The following ROBO2 variants were observed in gnomAD, a reference collection of about 807,000 sequenced individuals.
ROBO2 encodes the protein roundabout guidance receptor 2.
ROBO2 carries 53 observed loss-of-function variants against 160.8 expected under a neutral mutation model. The ratio of observed to expected loss-of-function variants is 0.33; its 90% CI spans 0.26 to 0.41. The LOEUF is 0.41. Ranked by LOEUF, ROBO2 falls within the 10% of genes least tolerant of loss-of-function variation. The probability of loss-of-function intolerance (pLI) is 1.00; values close to 1 mark genes in which losing one functional copy is unlikely to be tolerated. For synonymous variants in ROBO2, 664 were observed against 611.7 expected (o/e 1.09, Z -1.26); for missense variants, 1,577 against 1,722.4 (o/e 0.92, Z 1.49).
At chr3:76,728,615 A>C (rs2093587989) in intron 2 of ROBO2, among the ~76,000 whole-genome samples, 1 of 152,174 alleles carries the variant, frequency 6.6e-6, no homozygotes, top group Admixed American at 6.5e-5. Flanking sequence ...ATATATTACA[A>C]TTATGTCCCC....
intron 2 of ROBO2, among the ~76,000 whole-genome samples, chr3:76,748,018 T>A (rs1232625759): frequency 3.3e-5 from 5 of 151,876 alleles, no homozygotes; most frequent in African/African-American, 1.2e-4. Context: ...CAGAAGAGAG[T>A]TAATGAACAT....
At chr3:76,388,096 T>G (rs2076976927) in intron 2 of ROBO2, among the ~76,000 whole-genome samples, 1 of 152,168 alleles carries the variant, frequency 6.6e-6, no homozygotes, top group Admixed American at 6.5e-5. Flanking sequence ...TGCTTCCCTT[T>G]TGTAATTACT....
intron 2 of ROBO2, among the ~76,000 whole-genome samples, chr3:76,384,983 CT>C (rs1366631051): frequency 6.6e-6 from 1 of 152,092 alleles, no homozygotes; most frequent in Non-Finnish European, 1.5e-5. Context: ...CGCAAAGTGT[CT>C]TTTGTTTTGT....
chr3:76,480,524 A>T (rs933671158), intron 2 of ROBO2, among the ~76,000 whole-genome samples: 2 of 152,158 alleles, frequency 1.3e-5, no homozygotes, highest in East Asian at 3.9e-4. Flanking sequence ...AGGTTTATAA[A>T]CAACAGAAAC....
chr3:76,446,067 T>C (rs4643718), intron 2 of ROBO2, among the ~76,000 whole-genome samples: 1 of 151,716 alleles, frequency 6.6e-6, no homozygotes, highest in East Asian at 1.9e-4. Context: ...AAGAAATAAA[T>C]GGTATTCAAT....
chr3:75,988,989 G>T (rs938199701), intron 2 of ROBO2, among the ~76,000 whole-genome samples: 3 of 151,896 alleles, frequency 2.0e-5, no homozygotes, highest in Admixed American at 2.0e-4. Flanking sequence ...GTGTAAGACT[G>T]ATTTTTCTTG....
At chr3:76,650,085 A>C (rs962363279) in intron 2 of ROBO2, among the ~76,000 whole-genome samples, 2 of 152,184 alleles carry the variant, frequency 1.3e-5, no homozygotes, top group African/African-American at 4.8e-5. Flanking sequence ...TCCCTTTCCA[A>C]CACAACCTTA....
chr3:76,398,962 A>T (rs949630716), intron 2 of ROBO2, among the ~76,000 whole-genome samples: 3 of 151,820 alleles, frequency 2.0e-5, no homozygotes, highest in African/African-American at 7.2e-5. Flanking sequence ...ATCATAATTG[A>T]CTTTGAAGTT....
At chr3:76,389,494 C>T (rs2077047574) in intron 2 of ROBO2, among the ~76,000 whole-genome samples, 1 of 152,088 alleles carries the variant, frequency 6.6e-6, no homozygotes, top group Non-Finnish European at 1.5e-5. Context: ...AGGAAGATAC[C>T]ATCTTGAACT....
intron 2 of ROBO2, among the ~76,000 whole-genome samples, chr3:76,661,442 G>C (rs758791408): frequency 4.6e-5 from 7 of 152,196 alleles, no homozygotes; most frequent in Non-Finnish European, 7.3e-5. Flanking sequence ...CACAACCTCA[G>C]GAGGTCCTGA....
intron 2 of ROBO2, among the ~76,000 whole-genome samples, chr3:76,162,453 T>G (rs1270448783): frequency 6.6e-6 from 1 of 152,058 alleles, no homozygotes; most frequent in Non-Finnish European, 1.5e-5. Context: ...ACTACAGATG[T>G]ACTCCACCAT....
intron 2 of ROBO2, among the ~76,000 whole-genome samples, chr3:76,112,824 C>T (rs1404133621): frequency 6.6e-6 from 1 of 151,908 alleles, no homozygotes; most frequent in Non-Finnish European, 1.5e-5. Flanking sequence ...TTTCATAAAG[C>T]AGTATTTATA....
chr3:77,332,550 G>A (rs975153796), intron 2 of ROBO2, among the ~76,000 whole-genome samples: 1 of 152,082 alleles, frequency 6.6e-6, no homozygotes, highest in African/African-American at 2.4e-5. Flanking sequence ...AACTTAGTGT[G>A]ACGCAGTTAT....
At chr3:77,235,466 A>G (rs1052082140) in intron 2 of ROBO2, among the ~76,000 whole-genome samples, 11 of 151,932 alleles carry the variant, frequency 7.2e-5, no homozygotes, top group Non-Finnish European at 1.3e-4. Flanking sequence ...CAGAGAGGAG[A>G]ATATTTTAAT....
At chr3:76,993,553 G>A (rs1036383999) in intron 2 of ROBO2, among the ~76,000 whole-genome samples, 17 of 152,042 alleles carry the variant, frequency 1.1e-4, no homozygotes, top group Non-Finnish European at 1.9e-4. Context: ...AACAAATGCA[G>A]GTATCTCCCT....
At chr3:76,539,875 G>A (rs2082721963) in intron 2 of ROBO2, among the ~76,000 whole-genome samples, 1 of 152,168 alleles carries the variant, frequency 6.6e-6, no homozygotes, top group South Asian at 2.1e-4. Context: ...TTTGGTCTAA[G>A]ACATTCATGC....
intron 2 of ROBO2, among the ~76,000 whole-genome samples, chr3:76,849,820 G>C (rs2069145993): frequency 2.0e-5 from 3 of 152,122 alleles, no homozygotes; most frequent in Admixed American, 2.0e-4. Flanking sequence ...CTGCCATCTT[G>C]ACAAGATTAA....
At chr3:76,754,807 A>T (rs1161909586) in intron 2 of ROBO2, among the ~76,000 whole-genome samples, 1 of 151,924 alleles carries the variant, frequency 6.6e-6, no homozygotes, top group African/African-American at 2.4e-5. Context: ...GGATTTAAGT[A>T]TCAGCTTGTG....
Position 76,514,597 on chromosome 3 carries a change from C to T in ROBO2, c.109+576995C>T, listed in dbSNP as rs370395107. Among the ~76,000 whole-genome samples, 57 of 152,172 alleles carry T rather than the reference C, an allele frequency of 3.7e-4. 3 individuals are homozygous for T. Among genetic ancestry groups the T allele is most frequent in the East Asian group, 2.9e-3 (15 of 5,180 alleles). Reference sequence around the variant, plus strand: ...CCATTATCCTTTTAATCTCTGTTATCGAAAAAATCCTAGATTATTGTTGTT... The same window carrying T: ...CCATTATCCTTTTAATCTCTGTTATTGAAAAAATCCTAGATTATTGTTGTT... On this transcript the variant is annotated intron_variant, in intron 2 of 26. Coordinates refer to the ROBO2 transcript ENST00000487694.
Sources: gnomAD v4.1 joint callset for allele counts (sites outside exome capture counted in the v4.1 genomes callset) on GRCh38, gnomAD v4.1.1 for gene constraint, MANE v1.5 for transcripts, NCBI Gene and HGNC (gene_info 2026-07-23, HGNC 2026-07-21) for gene names.